The following SZT2 variants were observed in gnomAD, a reference collection of about 807,000 sequenced individuals.
SZT2 encodes the protein SZT2 subunit of KICSTOR complex.
A neutral mutation model predicts 404.2 loss-of-function variants in SZT2; 216 were observed. The ratio of observed to expected loss-of-function variants is 0.53; its 90% CI spans 0.48 to 0.60. The LOEUF (loss-of-function observed/expected upper bound fraction) is 0.60. Ranked by LOEUF, SZT2 falls within the 20% of genes least tolerant of loss-of-function variation. The probability of loss-of-function intolerance (pLI) is 0.00; values close to 1 mark genes in which losing one functional copy is unlikely to be tolerated. For synonymous variants in SZT2, 1,693 were observed against 1,749.9 expected, an observed-to-expected ratio of 0.97 and a Z score of 0.81; for missense variants, 3,857 against 4,459.2, an observed-to-expected ratio of 0.86 and a Z score of 3.85.
In SZT2 at chr1:43,430,330, C is replaced by T; in HGVS notation, c.4421C>T (p.Thr1474Ile). ...GCCTAGGATGAGGGGCCTCGGGACACAGTAGACAGAAAAATCAGTGACCTG... is the reference window on the plus strand; with the variant it reads ...GCCTAGGATGAGGGGCCTCGGGACATAGTAGACAGAAAAATCAGTGACCTG... ...SRREDEGPRD[T>I]VDRKISDLEF... Residue 1474 changes from threonine to isoleucine, a missense_variant, in exon 31 of 72, where the codon ACA becomes ATA. By Grantham distance (89) the Thr-to-Ile change is moderately conservative. Transcript: ENST00000634258. The T allele has an allele frequency of 6.2e-7, 1 of 1,612,770 alleles. No individual in the cohort carries two copies. The highest frequency in any genetic ancestry group is 8.5e-7 in the Non-Finnish European group (1 of 1,179,682).
Position 43,427,665 on chromosome 1 carries a change from C to T in SZT2, c.3734C>T (p.Ser1245Leu). The part of the protein sequence containing the change: ...TRCPVYIYSC[S>L]LEALREQMVG... ...TGTCCTGTCTACATCTACAGCTGTT[C>T]ACTGGAAGCGCTGAGGGAACAAATG... The change falls in exon 26 of 72, where the codon TCA (serine) becomes TTA (leucine). Residue 1245 changes from serine (S) to leucine (L), a missense_variant. Coordinates refer to ENST00000634258, the MANE Select transcript of SZT2 (RefSeq NM_001365999.1). 6.2e-7 allele frequency: 1 copy of T among 1,614,186 alleles called. No homozygotes were observed. Among genetic ancestry groups the T allele is most frequent in the Non-Finnish European group, 8.5e-7 (1 of 1,180,030 alleles).
Position 43,453,454 on chromosome 1 carries a change from C to T in SZT2, c.*2974C>T. Reference sequence around the variant, plus strand: ...GTCCCTCTCGGAAGGCCGCCTGTCTCCCGGGGACGGCCCCCAGCCCCATTT... The same window carrying T: ...GTCCCTCTCGGAAGGCCGCCTGTCTTCCGGGGACGGCCCCCAGCCCCATTT... On this transcript the variant is annotated 3_prime_UTR_variant, in exon 72 of 72. Coordinates refer to ENST00000634258, the MANE Select transcript of SZT2 (RefSeq NM_001365999.1). The T allele has an allele frequency of 6.4e-7, 1 of 1,564,102 alleles. No homozygotes were observed. Among genetic ancestry groups the T allele is most frequent in the Non-Finnish European group, 8.7e-7 (1 of 1,153,204 alleles).
In SZT2 at chr1:43,453,518, A is replaced by AGCCCCCGGCTCGGACAC. The variant is rs1398837044; in HGVS notation, c.*3039_*3055dup. Reference sequence around the variant, plus strand: ...GTCTCCTGCAGAGAGAACGGGCCTCAGCCCCCGGCTCGGACACTCCCCTGC... The same window carrying AGCCCCCGGCTCGGACAC: ...GTCTCCTGCAGAGAGAACGGGCCTCAGCCCCCGGCTCGGACACGCCCCCGGCTCGGACACTCCCCTGC... On this transcript the variant is annotated 3_prime_UTR_variant, in exon 72 of 72. Transcript: ENST00000634258. 1 of 1,536,420 alleles carries AGCCCCCGGCTCGGACAC rather than the reference A, an allele frequency of 6.5e-7. No individual in the cohort carries two copies. Among genetic ancestry groups the AGCCCCCGGCTCGGACAC allele is most frequent in the South Asian group, 1.2e-5 (1 of 82,278 alleles).
intron 15 of SZT2, 88 bp downstream of exon 15, chr1:43,423,404 G>C: frequency 7.6e-7 from 1 of 1,312,292 alleles, no homozygotes; most frequent in Non-Finnish European, 1.0e-6. Flanking sequence ...GGTGTGAGTA[G>C]TATAGAGGTG....
Position 43,426,250 on chromosome 1 carries a change from G to A in SZT2, c.3043+99G>A, listed in dbSNP as rs1450870758. The A allele has an allele frequency of 1.3e-6, 2 of 1,500,562 alleles. No homozygotes were observed. Among genetic ancestry groups the A allele is most frequent in the Admixed American group, 4.0e-5 (2 of 50,382 alleles). 93.0% of individuals were successfully genotyped at this position (1,500,562 alleles called of 1,614,324 possible). A position where few individuals can be genotyped will look rare whatever the true frequency, so the allele number is the denominator to read the frequency against. On this transcript the variant is annotated intron_variant, in intron 21 of 71. Transcript: ENST00000634258. The surrounding 1 kb of genome is among the most constrained non-coding windows in gnomAD (Gnocchi z 4.9). ...CAGATGGGTCAGCAAGTGAGCAGAT[G>A]AGTGGTGGGGGCAGGAGGAGCCCAT...
chr1:43,453,608 G>C lies in SZT2; in HGVS notation c.*3128G>C. 1 of 1,530,152 alleles carries C rather than the reference G, an allele frequency of 6.5e-7. No individual in the cohort carries two copies. The highest frequency in any genetic ancestry group is 2.5e-5 in the East Asian group (1 of 40,544). The allele number at this position is 1,530,152 out of a possible 1,614,324, so 94.8% of individuals were successfully genotyped here. ...CCCGCGACGCACCCGGGGGCGTGTT[G>C]ATCAGTACAAGCCGCAGCCCCGCTT... On this transcript the variant is annotated 3_prime_UTR_variant, in exon 72 of 72. Transcript: ENST00000634258.
In SZT2 at chr1:43,441,909, A is replaced by G; in HGVS notation, c.7742+91A>G. ...AAGCCAAACCTGAGGAAGCTGAGCT[A>G]GGAGAGGTGGAAACAAGGCCCAGGG... is the stretch of plus-strand genomic sequence containing the variant. On this transcript the variant is annotated intron_variant, in intron 55 of 71. Coordinates refer to ENST00000634258, the MANE Select transcript of SZT2 (RefSeq NM_001365999.1). The surrounding 1 kb of genome is among the most constrained non-coding windows in gnomAD (Gnocchi z 4.8). 1 of 1,595,058 alleles carries G rather than the reference A, an allele frequency of 6.3e-7. No individual in the cohort carries two copies. Among genetic ancestry groups the G allele is most frequent in the Non-Finnish European group, 8.6e-7 (1 of 1,167,584 alleles).
At chr1:43,390,313 G>A (rs1171231684) in intron 1 of SZT2, among the ~76,000 whole-genome samples, 1 of 152,216 alleles carries the variant, frequency 6.6e-6, no homozygotes, top group Non-Finnish European at 1.5e-5. Flanking sequence ...CAGTTTCAAT[G>A]GGCAACACGG....
In SZT2 at chr1:43,415,178, A is replaced by G. The variant is rs536696783; in HGVS notation, c.595A>G (p.Thr199Ala). Residue 199 changes from threonine to alanine, a missense_variant, in exon 5 of 72, where the codon ACC becomes GCC. Around this residue, in one of 7 missense-constraint regions of SZT2, gnomAD observed 536 missense variants for 637.4 expected, o/e 0.84. Coordinates refer to ENST00000634258, the MANE Select transcript of SZT2 (RefSeq NM_001365999.1). The part of the protein sequence containing the change: ...QLCLFEDKVA[T>A]MLQQQYDPQS... The stretch of plus-strand genomic sequence containing the variant: ...CTGCCTCTTTGAGGATAAGGTGGCC[A>G]CCATGCTGCAGCAGCAGTACGATCC... 1.9e-6 allele frequency: 3 copies of G among 1,598,072 alleles called. No homozygotes were observed. The highest frequency in any genetic ancestry group is 2.2e-5 in the South Asian group (2 of 91,024).
intron 12 of SZT2, 88 bp from the exon 13 acceptor site, chr1:43,422,392 A>G (rs2153932474): frequency 2.0e-6 from 3 of 1,496,054 alleles, no homozygotes; most frequent in South Asian, 1.3e-5. Context: ...ACCTCAGGCA[A>G]GGCCTAGAAG....
In SZT2 at chr1:43,437,374, G is replaced by A; in HGVS notation, c.6188-32G>A. On this transcript the variant is annotated intron_variant, in intron 43 of 71. Coordinates refer to ENST00000634258, the MANE Select transcript of SZT2 (RefSeq NM_001365999.1). The surrounding 1 kb of genome is among the most constrained non-coding windows in gnomAD (Gnocchi z 5.3). ...GTGAGCATTGGAAGGATCTGGAAAA[G>A]GCAGTTTCCTGAGCCCATGTTATTC... 6.2e-7 allele frequency: 1 copy of A among 1,614,126 alleles called. No individual in the cohort carries two copies. Among genetic ancestry groups the A allele is most frequent in the Non-Finnish European group, 8.5e-7 (1 of 1,179,984 alleles).
At position 43,452,182 on chromosome 1, in the gene SZT2, G is replaced by C. The variant is rs562736952; in HGVS notation, c.*1702G>C. ...CACACCCACAGAGACATGTAAGTAC[G>C]TGTGTGTTTCCACCTTTCTCACCTG... On this transcript the variant is annotated 3_prime_UTR_variant, in exon 72 of 72. Transcript: ENST00000634258. 3 of 1,577,566 alleles carry C rather than the reference G, an allele frequency of 1.9e-6. No homozygotes were observed. Among genetic ancestry groups the C allele is most frequent in the African/African-American group, 1.4e-5 (1 of 74,066 alleles).
chr1:43,439,091 C>G lies in SZT2; in HGVS notation c.6790C>G (p.Gln2264Glu), dbSNP rs770730584. The change falls in exon 48 of 72, where the codon CAA becomes GAA. Residue 2264 changes from glutamine (Q) to glutamate (E), a missense_variant and splice_region_variant. Around this residue, in one of 7 missense-constraint regions of SZT2, gnomAD observed 261 missense variants for 372.9 expected, o/e 0.70. Transcript: ENST00000634258. The surrounding 1 kb of genome is among the most constrained non-coding windows in gnomAD (Gnocchi z 4.2). ...YTDSNSRNHF[Q>E]HPLPPQGGLP... ...AGATAGCAACAGCCGGAACCACTTC[C>G]AAGTGAGATGGCACTCATCTCTCTC... 1.2e-6 allele frequency: 2 copies of G among 1,614,076 alleles called. No individual in the cohort carries two copies. The highest frequency in any genetic ancestry group is 1.1e-5 in the South Asian group (1 of 91,088).
intron 1 of SZT2, among the ~76,000 whole-genome samples, chr1:43,394,443 G>A (rs1402579900): frequency 6.6e-6 from 1 of 152,090 alleles, no homozygotes; most frequent in African/African-American, 2.4e-5. Context: ...ATTTTCATAA[G>A]CACTTCAGGT....
intron 3 of SZT2, 130 bp downstream of exon 3, chr1:43,403,904 G>C: frequency 9.5e-7 from 1 of 1,053,450 alleles, no homozygotes; most frequent in South Asian, 1.5e-5. Flanking sequence ...ATAAAGGAAT[G>C]ATGGGTGTTT....
At chr1:43,407,827 C>CTTTTTT (rs1273177130) in intron 4 of SZT2, among the ~76,000 whole-genome samples, 1 of 94,466 alleles carries the variant, frequency 1.1e-5, no homozygotes, top group Non-Finnish European at 2.1e-5. Flanking sequence ...AAATTCTAAC[C>CTTTTTT]TTTTTTTTTT....
At chr1:43,421,420 C>T in intron 11 of SZT2, 117 bp downstream of exon 11, 1 of 1,408,980 alleles carries the variant, frequency 7.1e-7, no homozygotes, top group Non-Finnish European at 9.6e-7. Context: ...GCACCTAAGC[C>T]AGAAGCCCAA....
At chr1:43,440,161 C>G in intron 51 of SZT2, 113 bp downstream of exon 51, 1 of 1,410,498 alleles carries the variant, frequency 7.1e-7, no homozygotes, top group African/African-American at 1.4e-5. Context: ...CAGAGAACTA[C>G]TACATCAGAA....
At chr1:43,413,899 G>A (rs1323580711) in intron 4 of SZT2, among the ~76,000 whole-genome samples, 2 of 152,202 alleles carry the variant, frequency 1.3e-5, no homozygotes, top group South Asian at 2.1e-4. Context: ...TAGCACAGTA[G>A]ACTGACTACA....
Sources: allele counts gnomAD v4.1 joint callset (sites outside exome capture counted in the v4.1 genomes callset), GRCh38; gene constraint gnomAD v4.1.1; regional missense constraint gnomAD v4.1.1; non-coding constraint Gnocchi (gnomAD v3.1); transcripts MANE v1.5; gene names NCBI Gene and HGNC (gene_info 2026-07-23, HGNC 2026-07-21).